Variants in CFAP54 observed in about 807,000 individuals in gnomAD.
CFAP54 encodes the protein cilia- and flagella-associated protein 54.
In CFAP54, 290 loss-of-function variants were observed where a neutral mutation model predicts 370.4. The observed-to-expected ratio is 0.78, with a 90% CI of 0.71 to 0.86. CFAP54 has a LOEUF of 0.86. Among genes scored for constraint, CFAP54 ranks in the 40% least tolerant of loss-of-function variants. The probability of loss-of-function intolerance (pLI) is 0.00; values close to 1 mark genes in which losing one functional copy is unlikely to be tolerated. For synonymous variants in CFAP54, 1,206 were observed against 1,236.5 expected (o/e 0.98, Z 0.52); for missense variants, 3,399 against 3,528.7 (o/e 0.96, Z 0.93).
chr12:96,840,267 G>A (rs1273738218), intron 66 of CFAP54, among the ~76,000 whole-genome samples: 1 of 152,214 alleles, frequency 6.6e-6, no homozygotes, highest in Non-Finnish European at 1.5e-5. Flanking sequence ...GATTCTCAAA[G>A]CAACCTTTGA....
intron 39 of CFAP54, among the ~76,000 whole-genome samples, chr12:96,666,031 C>T (rs1957075834): frequency 6.6e-6 from 1 of 152,102 alleles, no homozygotes; most frequent in Admixed American, 6.6e-5. Flanking sequence ...AGACCTTTCA[C>T]TTCCATATTT....
At chr12:96,590,614 T>A (rs1006295435) in intron 23 of CFAP54, among the ~76,000 whole-genome samples, 2 of 152,186 alleles carry the variant, frequency 1.3e-5, no homozygotes, top group Admixed American at 6.5e-5. Context: ...GGATGCTATG[T>A]GCTATGGGGG....
chr12:96,550,729 A>G (rs1955685772), intron 15 of CFAP54, among the ~76,000 whole-genome samples: 2 of 152,230 alleles, frequency 1.3e-5, no homozygotes, highest in African/African-American at 4.8e-5. Flanking sequence ...AGAGCTCATG[A>G]GAAAGTTGGG....
intron 26 of CFAP54, among the ~76,000 whole-genome samples, chr12:96,612,044 G>T (rs927628690): frequency 2.6e-5 from 4 of 152,102 alleles, no homozygotes; most frequent in African/African-American, 9.7e-5. Context: ...TACAGAGAAC[G>T]CCACAAAGAT....
chr12:96,509,480 C>T (rs763347461), intron 4 of CFAP54, among the ~76,000 whole-genome samples: 30 of 152,162 alleles, frequency 2.0e-4, no homozygotes, highest in Non-Finnish European at 3.8e-4. Context: ...TATACATACA[C>T]ACTCTTGGTT....
intron 63 of CFAP54, among the ~76,000 whole-genome samples, chr12:96,808,165 C>T (rs1048849391): frequency 6.6e-6 from 1 of 152,108 alleles, no homozygotes; most frequent in Non-Finnish European, 1.5e-5. Flanking sequence ...AAGAACTATA[C>T]AGTCTTCTCC....
chr12:96,564,432 A>C, intron 17 of CFAP54, 36 bp from the exon 18 acceptor site: 1 of 677,322 alleles, frequency 1.5e-6, no homozygotes, highest in Non-Finnish European at 2.7e-6. Flanking sequence ...TCTTGGATAC[A>C]TACTTAATTG....
intron 5 of CFAP54, 130 bp from the exon 6 acceptor site, chr12:96,518,798 T>G: frequency 7.7e-6 from 6 of 779,410 alleles, no homozygotes; most frequent in South Asian, 3.2e-5. Flanking sequence ...TCTTGACACG[T>G]TATTTATGGT....
Position 96,720,575 on chromosome 12 carries a change from TC to T in CFAP54, c.6965+12del. The T allele has an allele frequency of 6.7e-7, 1 of 1,491,064 alleles. No individual in the cohort carries two copies. The highest frequency in any genetic ancestry group is 9.0e-7 in the Non-Finnish European group (1 of 1,113,984). The allele number at this position is 1,491,064 out of a possible 1,614,324, so 92.4% of individuals were successfully genotyped here. A position where few individuals can be genotyped will look rare whatever the true frequency, so the allele number is the denominator to read the frequency against. On this transcript the variant is annotated intron_variant, in intron 50 of 67. Transcript: ENST00000524981. ...ACCGGGCGGCATACAGGTGCGTCTC[TC>T]CATGCACAGGGGAGGGATACCTTTG...
rs186796992 is a variant in CFAP54 at position 96,567,816 on chromosome 12, T to C, written c.2619+3051T>C. On this transcript the variant is annotated intron_variant, in intron 19 of 67. Transcript: ENST00000524981. ...ACCAGGGAACATACCGGGACTGAGA[T>C]ACCTGGATGTCTCAAGTTTCCAGTG... Among the ~76,000 whole-genome samples the C allele has an allele frequency of 3.5e-3, 536 of 152,256 alleles. 18 individuals are homozygous for C. The highest frequency in any genetic ancestry group is 0.033 in the Admixed American group (500 of 15,284).
intron 2 of CFAP54, among the ~76,000 whole-genome samples, chr12:96,502,124 A>G (rs951552603): frequency 6.6e-6 from 1 of 152,162 alleles, no homozygotes; most frequent in Non-Finnish European, 1.5e-5. Context: ...AGAGAGGTGT[A>G]TGTTAGAAGC....
intron 56 of CFAP54, 33 bp downstream of exon 56, chr12:96,753,931 A>C (rs1958220054): frequency 6.3e-7 from 1 of 1,587,160 alleles, no homozygotes; most frequent in Non-Finnish European, 8.6e-7. Flanking sequence ...ACTATGATAA[A>C]ATTTATGGAA....
intron 38 of CFAP54, among the ~76,000 whole-genome samples, chr12:96,659,712 C>A (rs1956969985): frequency 6.6e-6 from 1 of 152,166 alleles, no homozygotes; most frequent in Non-Finnish European, 1.5e-5. Context: ...TAACAAAGTG[C>A]ATTGACTACC....
At chr12:96,761,196 T>C (rs976180598) in intron 58 of CFAP54, among the ~76,000 whole-genome samples, 2 of 152,206 alleles carry the variant, frequency 1.3e-5, no homozygotes, top group African/African-American at 4.8e-5. Context: ...GTGGTTTTGA[T>C]TTGCATTCCT....
intron 58 of CFAP54, among the ~76,000 whole-genome samples, chr12:96,762,312 G>A (rs1290858089): frequency 6.6e-6 from 1 of 152,200 alleles, no homozygotes; most frequent in East Asian, 1.9e-4. Context: ...TTGTGTGTCT[G>A]TTTGTGTATT....
intron 46 of CFAP54, among the ~76,000 whole-genome samples, chr12:96,700,353 T>TTA (rs59920039): frequency 0.019 from 2,958 of 152,296 alleles, 109 homozygotes; most frequent in African/African-American, 0.067. Flanking sequence ...TTGCTTTTTG[T>TTA]TAGTTACCAT....
intron 22 of CFAP54, 116 bp downstream of exon 22, chr12:96,581,221 CAT>C (rs1341379859): frequency 1.6e-6 from 1 of 609,042 alleles, no homozygotes; most frequent in Admixed American, 4.1e-5. Flanking sequence ...TCCTATAACA[CAT>C]ATTATCCATT....
At chr12:96,719,862 G>C (rs1957727848) in intron 49 of CFAP54, among the ~76,000 whole-genome samples, 1 of 152,232 alleles carries the variant, frequency 6.6e-6, no homozygotes, top group Non-Finnish European at 1.5e-5. Flanking sequence ...TAAGAGGGCT[G>C]TGGTGTCCCT....
At chr12:96,824,686 C>A (rs1438827714) in intron 65 of CFAP54, among the ~76,000 whole-genome samples, 1 of 152,048 alleles carries the variant, frequency 6.6e-6, no homozygotes, top group Non-Finnish European at 1.5e-5. Flanking sequence ...ATTTTTAGAC[C>A]CATAGAAGCT....
Sources: allele counts gnomAD v4.1 joint callset (sites outside exome capture counted in the v4.1 genomes callset), GRCh38; gene constraint gnomAD v4.1.1; transcripts MANE v1.5; gene names NCBI Gene and HGNC (gene_info 2026-07-23, HGNC 2026-07-21).